Variants in ARHGAP10 observed in about 807,000 individuals in gnomAD.
The protein encoded by ARHGAP10 is Rho GTPase activating protein 10.
ARHGAP10 carries 87 observed loss-of-function variants against 108.6 expected under a neutral mutation model. The ratio of observed to expected loss-of-function variants is 0.80; its 90% CI spans 0.67 to 0.96. The LOEUF is 0.96. Among genes scored for constraint, ARHGAP10 ranks in the 40% least tolerant of loss-of-function variants. The pLI is 0.00. For missense variants in ARHGAP10, 939 were observed against 954.5 expected, an observed-to-expected ratio of 0.98 and a Z score of 0.21; for synonymous variants, 347 against 341.1, an observed-to-expected ratio of 1.02 and a Z score of -0.19.
At chr4:147,752,601 C>G (rs1328108597) in intron 1 of ARHGAP10, among the ~76,000 whole-genome samples, 1 of 150,922 alleles carries the variant, frequency 6.6e-6, no homozygotes, top group Non-Finnish European at 1.5e-5. Context: ...GATCTTGGCT[C>G]ACTGCAACCT....
chr4:147,900,514 G>A (rs1463067810), intron 10 of ARHGAP10, among the ~76,000 whole-genome samples: 1 of 152,074 alleles, frequency 6.6e-6, no homozygotes, highest in Non-Finnish European at 1.5e-5. Flanking sequence ...CCAGGAATCA[G>A]TTCTGACTTG....
intron 1 of ARHGAP10, among the ~76,000 whole-genome samples, chr4:147,751,675 C>CT (rs991212201): frequency 9.9e-5 from 15 of 151,596 alleles, no homozygotes; most frequent in African/African-American, 3.4e-4. Context: ...CCTTTTTTTG[C>CT]TTTTTTTGGA....
At chr4:147,866,587 C>A in intron 6 of ARHGAP10, 125 bp from the exon 7 acceptor site, 1 of 640,954 alleles carries the variant, frequency 1.6e-6, no homozygotes, top group Non-Finnish European at 2.7e-6. Context: ...TAGTGACTTC[C>A]CTTTAATCAG....
chr4:147,947,589 G>C (rs192668644), intron 15 of ARHGAP10, among the ~76,000 whole-genome samples: 1 of 151,976 alleles, frequency 6.6e-6, no homozygotes, highest in South Asian at 2.1e-4. Context: ...TTTTAGTAGA[G>C]GTGGGGTTTC....
chr4:147,924,138 A>G (rs1737356453), intron 13 of ARHGAP10, among the ~76,000 whole-genome samples: 1 of 152,192 alleles, frequency 6.6e-6, no homozygotes, highest in African/African-American at 2.4e-5. Context: ...CTGAATATTC[A>G]TTTTCACAAT....
intron 13 of ARHGAP10, among the ~76,000 whole-genome samples, chr4:147,933,618 C>A (rs537533664): frequency 2.3e-4 from 35 of 150,558 alleles, no homozygotes; most frequent in Non-Finnish European, 5.0e-4. Context: ...CAGAAGTTGA[C>A]GTGGCTTTCT....
intron 20 of ARHGAP10, among the ~76,000 whole-genome samples, chr4:148,060,668 G>A (rs140352641): frequency 1.3e-3 from 198 of 152,172 alleles, no homozygotes; most frequent in Admixed American, 2.4e-3. Flanking sequence ...ACGTTGCCCC[G>A]TCTTGTGAAT....
intron 18 of ARHGAP10, among the ~76,000 whole-genome samples, chr4:147,981,782 A>G (rs948282076): frequency 3.3e-5 from 5 of 152,102 alleles, no homozygotes; most frequent in Non-Finnish European, 5.9e-5. Context: ...CTTCTTGTTG[A>G]ATTTAACCTT....
chr4:147,996,095 G>C (rs890703942), intron 18 of ARHGAP10, among the ~76,000 whole-genome samples: 2 of 152,176 alleles, frequency 1.3e-5, no homozygotes, highest in African/African-American at 2.4e-5. Context: ...CTCTTCTTTA[G>C]AAGTAGGTGC....
chr4:148,008,547 G>A lies in ARHGAP10; in HGVS notation c.1717-14716G>A, dbSNP rs192469736. Among the ~76,000 whole-genome samples, 19 of 151,550 alleles carry A rather than the reference G, an allele frequency of 1.3e-4. No individual in the cohort carries two copies. In the East Asian group the frequency reaches 2.7e-3, roughly 22 times the overall value. On this transcript the variant is annotated intron_variant, in intron 18 of 22. Coordinates refer to ENST00000336498, the MANE Select transcript of ARHGAP10 (RefSeq NM_024605.4). ...TGTTGAACATCTTACAGTGCACAGG[G>A]CAATCCCTCCACAACAACGACTTAG...
chr4:147,820,273 C>T (rs1732430385), intron 1 of ARHGAP10, among the ~76,000 whole-genome samples: 1 of 152,096 alleles, frequency 6.6e-6, no homozygotes, highest in Non-Finnish European at 1.5e-5. Context: ...ACATTAGGAA[C>T]TAAGTTATTT....
At chr4:147,886,801 C>T (rs184243666) in intron 10 of ARHGAP10, among the ~76,000 whole-genome samples, 8 of 152,300 alleles carry the variant, frequency 5.3e-5, no homozygotes, top group African/African-American at 9.6e-5. Flanking sequence ...GATAGAGTCT[C>T]GCTCTGTCAC....
chr4:147,977,549 G>A lies in ARHGAP10; in HGVS notation c.1716+10710G>A, dbSNP rs532534882. On this transcript the variant is annotated intron_variant, in intron 18 of 22. Transcript: ENST00000336498. Reference sequence around the variant, plus strand: ...AGGCACTAGGCTGGGCTCCTTATATGACATTTAATTGGACATTCCATAGAC... The same window carrying A: ...AGGCACTAGGCTGGGCTCCTTATATAACATTTAATTGGACATTCCATAGAC... Among the ~76,000 whole-genome samples, 5 of 152,270 alleles carry A rather than the reference G, an allele frequency of 3.3e-5. No homozygotes were observed. The East Asian group carries it at 7.7e-4, about 23-fold the overall frequency.
rs1288833488 is a variant in ARHGAP10 at position 147,798,721 on chromosome 4, GACACTCTCTCTC to G, written c.155-24005_155-23994del. Among the ~76,000 whole-genome samples the G allele has an allele frequency of 4.3e-5, 5 of 116,158 alleles. 1 individual carries two copies. The highest frequency in any genetic ancestry group is 1.9e-4 in the African/African-American group (4 of 20,686). 76.2% of individuals were successfully genotyped at this position (116,158 alleles called of 152,430 possible). ...GCATTACGTGAGGTCAGGAGTTTGAGACACTCTCTCTCTCTCTCTCTCTCTCTCTCTCTCTCT... is the reference window on the plus strand; with the variant it reads ...GCATTACGTGAGGTCAGGAGTTTGAGTCTCTCTCTCTCTCTCTCTCTCTCT... On this transcript the variant is annotated intron_variant, in intron 1 of 22. Transcript: ENST00000336498.
chr4:147,844,961 C>T (rs1280646473), intron 3 of ARHGAP10, among the ~76,000 whole-genome samples: 2 of 152,168 alleles, frequency 1.3e-5, no homozygotes, highest in South Asian at 4.1e-4. Context: ...AAATGCTAAC[C>T]TTTCCCAGAG....
intron 1 of ARHGAP10, among the ~76,000 whole-genome samples, chr4:147,796,502 CT>C (rs1281605744): frequency 1.3e-5 from 2 of 151,974 alleles, no homozygotes; most frequent in Admixed American, 6.6e-5. Flanking sequence ...TGGTTCATCT[CT>C]TTTTTTCCTT....
chr4:147,883,827 T>C (rs1735434839), intron 10 of ARHGAP10, among the ~76,000 whole-genome samples: 1 of 152,046 alleles, frequency 6.6e-6, no homozygotes, highest in Admixed American at 6.6e-5. Context: ...CCTGAGTAGC[T>C]GGGATTATGG....
In ARHGAP10 at chr4:148,054,191, G is replaced by A. The variant is rs565725114; in HGVS notation, c.2027+7140G>A. ...AGTAAGGACCTCATGGGCTCTCTCC[G>A]TAAGTTCGAGACCGTTTACATTGGT... On this transcript the variant is annotated intron_variant, in intron 20 of 22. Coordinates refer to ENST00000336498, the MANE Select transcript of ARHGAP10 (RefSeq NM_024605.4). 1.2e-3 allele frequency among the ~76,000 whole-genome samples: 187 copies of A among 152,304 alleles called. 1 individual carries two copies. Among genetic ancestry groups the A allele is most frequent in the African/African-American group, 3.9e-3 (163 of 41,556 alleles).
intron 18 of ARHGAP10, among the ~76,000 whole-genome samples, chr4:148,012,479 A>T (rs1027231909): frequency 3.3e-5 from 5 of 152,222 alleles, no homozygotes; most frequent in Middle Eastern, 3.2e-3. Flanking sequence ...TGTGACCTCC[A>T]CATAGACTTA....
Sources: gnomAD v4.1 joint callset for allele counts (sites outside exome capture counted in the v4.1 genomes callset) on GRCh38, gnomAD v4.1.1 for gene constraint, MANE v1.5 for transcripts, NCBI Gene and HGNC (gene_info 2026-07-23, HGNC 2026-07-21) for gene names.